EP300: variants seen among roughly 807,000 people sequenced by gnomAD.
EP300 encodes the protein histone acetyltransferase p300.
A neutral mutation model predicts 264.0 loss-of-function variants in EP300; 31 were observed. The observed-to-expected ratio is 0.12, with a 90% CI of 0.09 to 0.16. The LOEUF (loss-of-function observed/expected upper bound fraction) is 0.16. Ranked by LOEUF, EP300 falls within the 10% of genes least tolerant of loss-of-function variation. The pLI, the probability that EP300 is intolerant of heterozygous loss-of-function variation, is 1.00. For synonymous variants in EP300, 1,340 were observed against 1,045.4 expected, an observed-to-expected ratio of 1.28 and a Z score of -5.44; for missense variants, 2,766 against 3,052.9, an observed-to-expected ratio of 0.91 and a Z score of 2.21.
At chr22:41,132,361 C>T (rs1330939147) in intron 6 of EP300, among the ~76,000 whole-genome samples, 2 of 135,066 alleles carry the variant, frequency 1.5e-5, no homozygotes, top group African/African-American at 5.5e-5. Context: ...GATCTCGGCT[C>T]ACTGCAACCT....
rs2145523953 is a variant in EP300, at chr22:41,178,807, A to T, written c.7096A>T (p.Ser2366Cys). 1.2e-6 allele frequency: 2 copies of T among 1,614,180 alleles called. No homozygotes were observed. Among genetic ancestry groups the T allele is most frequent in the Non-Finnish European group, 1.7e-6 (2 of 1,180,040 alleles). Residue 2366 changes from serine to cysteine, a missense_variant, in exon 31 of 31, where the codon AGC (serine) becomes TGC (cysteine). By Grantham distance (112) the Ser-to-Cys change is moderately radical. Transcript: ENST00000263253. ...ANPMEQGHFA[S>C]PDQNSMLSQL... ...CCCCATGGAACAAGGGCATTTTGCC[A>T]GCCCGGACCAGAATTCAATGCTTTC...
intron 9 of EP300, 135 bp downstream of exon 9, chr22:41,140,392 C>A: frequency 1.3e-6 from 1 of 774,598 alleles, no homozygotes. Context: ...TTATTGTCCC[C>A]AAGCATAGTT....
At chr22:41,169,361 CCTGCCTGT>C in intron 25 of EP300, 134 bp from the exon 26 acceptor site, 1 of 685,464 alleles carries the variant, frequency 1.5e-6, no homozygotes, top group Middle Eastern at 3.8e-4. Context: ...GAGTCGCCTA[CCTGCCTGT>C]GATGAGCTTC....
chr22:41,097,632 A>G (rs2058709423), intron 1 of EP300, among the ~76,000 whole-genome samples: 1 of 152,174 alleles, frequency 6.6e-6, no homozygotes, highest in African/African-American at 2.4e-5. Context: ...CAATTCATAT[A>G]CCCAGCAATT....
chr22:41,129,044 T>G (rs1395782612), intron 4 of EP300, among the ~76,000 whole-genome samples: 6 of 152,060 alleles, frequency 3.9e-5, no homozygotes, highest in Admixed American at 3.9e-4. Flanking sequence ...GGAGTCTCGC[T>G]CTGTCGCCCA....
In EP300 at chr22:41,178,369, C is replaced by G. The variant is rs762593304; in HGVS notation, c.6658C>G (p.Pro2220Ala). The G allele has an allele frequency of 6.2e-7, 1 of 1,614,132 alleles. No individual in the cohort carries two copies. The highest frequency in any genetic ancestry group is 1.7e-5 in the Admixed American group (1 of 60,016). ...CCAGCAACCCCAAGGAGTTGGCTAC[C>G]CACCACAGCAGCAGCAGCGGATGCA... Reference protein sequence around the residue: ...QFQQPQGVGYPPQQQQRMQHH... With the variant: ...QFQQPQGVGYAPQQQQRMQHH... Residue 2220 changes from proline (P) to alanine (A), a missense_variant, in exon 31 of 31, where the codon CCA becomes GCA. Transcript: ENST00000263253.
chr22:41,167,610 ATATATATATATATATATATATAT>A (rs2059145149), intron 23 of EP300, among the ~76,000 whole-genome samples: 1 of 39,114 alleles, frequency 2.6e-5, no homozygotes, highest in African/African-American at 6.1e-5. Context: ...ATATATATAT[ATATATATATATATATATATATAT>A]ATAATGTTTG....
At chr22:41,174,223 G>T (rs973289543) in intron 29 of EP300, among the ~76,000 whole-genome samples, 22 of 152,128 alleles carry the variant, frequency 1.4e-4, no homozygotes, top group Non-Finnish European at 2.8e-4. Flanking sequence ...TTGAGGTCAG[G>T]AGTTGGAGAC....
At chr22:41,176,721 T>C (rs939727540) in intron 30 of EP300, 52 bp from the exon 31 acceptor site, 4 of 1,613,452 alleles carry the variant, frequency 2.5e-6, no homozygotes, top group Non-Finnish European at 1.7e-6. Context: ...AAAATACTTT[T>C]GAATGACTTA....
rs2058744595 is a variant in EP300 at position 41,103,882 on chromosome 22, C to T, written c.94+10784C>T. ...AGGAAGACTAGGAGTACATTATTTA[C>T]CTCTTTTGAAATGAGTTTGTCATTT... is the stretch of plus-strand genomic sequence containing the variant. On this transcript the variant is annotated intron_variant, in intron 1 of 30. Transcript: ENST00000263253. 2.6e-5 allele frequency among the ~76,000 whole-genome samples: 4 copies of T among 152,242 alleles called. No individual in the cohort carries two copies. The South Asian group carries it at 6.2e-4, about 24-fold the overall frequency.
At chr22:41,156,098 C>G (rs766857703) in intron 17 of EP300, among the ~76,000 whole-genome samples, 2 of 151,942 alleles carry the variant, frequency 1.3e-5, no homozygotes, top group Non-Finnish European at 2.9e-5. Flanking sequence ...CTCAACCTCC[C>G]CCTCCCGGGT....
chr22:41,096,307 T>G (rs2058701276), intron 1 of EP300, among the ~76,000 whole-genome samples: 1 of 152,150 alleles, frequency 6.6e-6, no homozygotes, highest in African/African-American at 2.4e-5. Context: ...ATGAGGGTCA[T>G]CTGTTGTCTT....
intron 1 of EP300, among the ~76,000 whole-genome samples, chr22:41,107,672 T>A (rs996836961): frequency 5.9e-5 from 9 of 152,196 alleles, no homozygotes; most frequent in African/African-American, 2.2e-4. Context: ...TTTGATCCTT[T>A]GATTTTTGGA....
At chr22:41,156,800 A>G (rs777894493) in intron 17 of EP300, among the ~76,000 whole-genome samples, 7 of 151,956 alleles carry the variant, frequency 4.6e-5, no homozygotes, top group Non-Finnish European at 8.8e-5. Context: ...GTGATTTCAG[A>G]TGGAACATTT....
At chr22:41,151,085 G>A (rs1392859883) in intron 14 of EP300, among the ~76,000 whole-genome samples, 4 of 151,954 alleles carry the variant, frequency 2.6e-5, no homozygotes, top group African/African-American at 9.7e-5. Flanking sequence ...GGGTTTAGAA[G>A]CTTCTACTTT....
chr22:41,158,671 T>A, intron 19 of EP300, 171 bp downstream of exon 19: 1 of 629,796 alleles, frequency 1.6e-6, no homozygotes, highest in South Asian at 1.7e-5. Flanking sequence ...ACAATAAAAT[T>A]TTCTATCAGA....
chr22:41,160,437 A>AAC, intron 19 of EP300: 1 of 540,502 alleles, frequency 1.9e-6, no homozygotes, highest in Non-Finnish European at 3.3e-6. Flanking sequence ...AAAACAAAAA[A>AAC]AAACAAAAAA....
At chr22:41,148,360 G>A (rs2059024407) in intron 12 of EP300, among the ~76,000 whole-genome samples, 1 of 152,174 alleles carries the variant, frequency 6.6e-6, no homozygotes, top group Admixed American at 6.5e-5. Context: ...GCCCTTTAGA[G>A]TTAGCTGGTG....
At chr22:41,125,721 C>T (rs377545091) in intron 2 of EP300, 143 bp from the exon 3 acceptor site, 1 of 874,640 alleles carries the variant, frequency 1.1e-6, no homozygotes, top group South Asian at 1.7e-5. Context: ...TGTCACGTTG[C>T]CCAAGCTGTA....
Sources: gnomAD v4.1 joint callset for allele counts (sites outside exome capture counted in the v4.1 genomes callset) on GRCh38, gnomAD v4.1.1 for gene constraint, MANE v1.5 for transcripts, NCBI Gene and HGNC (gene_info 2026-07-23, HGNC 2026-07-21) for gene names.